COL15A1: variants seen among roughly 807,000 people sequenced by gnomAD.
COL15A1 encodes the protein collagen type XV alpha 1 chain.
A neutral mutation model predicts 165.9 loss-of-function variants in COL15A1; 111 were observed. That is an observed-to-expected ratio of 0.67 (90% CI 0.57 to 0.78). The LOEUF (loss-of-function observed/expected upper bound fraction) is 0.78, where lower values mean the gene tolerates loss of function less well. Among genes scored for constraint, COL15A1 ranks in the 30% least tolerant of loss-of-function variants. The pLI, the probability that COL15A1 is intolerant of heterozygous loss-of-function variation, is 0.00. For missense variants in COL15A1, 1,745 were observed against 1,789.7 expected (o/e 0.98, Z 0.45); for synonymous variants, 659 against 674.8 (o/e 0.98, Z 0.36).
chr9:99,032,337 A>C (rs1201631824), intron 16 of COL15A1, among the ~76,000 whole-genome samples: 1 of 151,802 alleles, frequency 6.6e-6, no homozygotes, highest in East Asian at 1.9e-4. Flanking sequence ...TTACAGATGC[A>C]CACCACCACA....
chr9:98,964,926 C>G (rs1052149826), intron 2 of COL15A1, among the ~76,000 whole-genome samples: 7 of 152,170 alleles, frequency 4.6e-5, no homozygotes, highest in Non-Finnish European at 7.3e-5. Flanking sequence ...GCTATGAGCT[C>G]GTTCTGACTG....
chr9:99,053,063 A>T (rs1186434208), intron 31 of COL15A1, among the ~76,000 whole-genome samples: 1 of 152,176 alleles, frequency 6.6e-6, no homozygotes, highest in Non-Finnish European at 1.5e-5. Context: ...TTGAGTAGTA[A>T]ATGTCAGCAT....
chr9:98,951,798 T>A (rs1837692454), intron 2 of COL15A1, among the ~76,000 whole-genome samples: 1 of 152,194 alleles, frequency 6.6e-6, no homozygotes, highest in African/African-American at 2.4e-5. Context: ...CTTCAAGCAA[T>A]TCACCCTTCT....
intron 5 of COL15A1, 113 bp downstream of exon 5, chr9:98,989,371 C>A: frequency 1.2e-6 from 1 of 840,404 alleles, no homozygotes; most frequent in Non-Finnish European, 1.9e-6. Context: ...GACCTGTGAG[C>A]TTAATCGTTG....
intron 2 of COL15A1, among the ~76,000 whole-genome samples, chr9:98,950,717 C>G (rs1488929908): frequency 6.6e-6 from 1 of 151,816 alleles, no homozygotes; most frequent in Non-Finnish European, 1.5e-5. Flanking sequence ...CAGGTTCAAG[C>G]AATTCTCCTG....
At chr9:99,055,642 A>T (rs991967733) in intron 34 of COL15A1, among the ~76,000 whole-genome samples, 2 of 152,146 alleles carry the variant, frequency 1.3e-5, no homozygotes, top group African/African-American at 4.8e-5. Flanking sequence ...TGGAAAATTC[A>T]CTCCACACAA....
intron 2 of COL15A1, among the ~76,000 whole-genome samples, chr9:98,951,324 T>C (rs1485675210): frequency 6.6e-6 from 1 of 152,236 alleles, no homozygotes; most frequent in Non-Finnish European, 1.5e-5. Context: ...GGTTGGACAG[T>C]TCTTACTATG....
chr9:99,022,203 G>A (rs1373750225), intron 13 of COL15A1, 53 bp downstream of exon 13: 30 of 1,610,742 alleles, frequency 1.9e-5, no homozygotes, highest in African/African-American at 1.2e-4. Flanking sequence ...CCAGGGATGC[G>A]GCCAAAACAG....
chr9:99,059,989 T>C (rs1825783612), intron 36 of COL15A1, 36 bp downstream of exon 36: 1 of 1,606,968 alleles, frequency 6.2e-7, no homozygotes, highest in South Asian at 1.1e-5. Context: ...CATCATTCCA[T>C]TTGGGATAGA....
At chr9:99,068,717 A>T in intron 41 of COL15A1, 47 bp downstream of exon 41, 1 of 1,132,346 alleles carries the variant, frequency 8.8e-7, no homozygotes, top group Non-Finnish European at 1.3e-6. Flanking sequence ...AGATAGTTTT[A>T]GGGGGCATCC....
At chr9:98,980,560 G>A (rs1408533953) in intron 2 of COL15A1, among the ~76,000 whole-genome samples, 1 of 152,190 alleles carries the variant, frequency 6.6e-6, no homozygotes, top group Admixed American at 6.5e-5. Flanking sequence ...AGTAGGGAGT[G>A]CAGCTGGGTC....
At chr9:98,989,934 T>G (rs1838387568) in intron 5 of COL15A1, among the ~76,000 whole-genome samples, 7 of 152,244 alleles carry the variant, frequency 4.6e-5, no homozygotes, top group Admixed American at 4.6e-4. Flanking sequence ...CCCAGGAGCC[T>G]GTTTTTAATG....
chr9:99,067,080 A>G lies in COL15A1; in HGVS notation c.3837+13A>G, dbSNP rs1354403935. 2 of 1,607,738 alleles carry G rather than the reference A, an allele frequency of 1.2e-6. No homozygotes were observed. The highest frequency in any genetic ancestry group is 1.7e-6 in the Non-Finnish European group (2 of 1,176,162). On this transcript the variant is annotated intron_variant, in intron 40 of 41. Coordinates refer to ENST00000375001, the MANE Select transcript of COL15A1 (RefSeq NM_001855.5). ...AGTGAACCTCAAGGTAAAAATAAAT[A>G]TGGTTCCCATTGCCTTCTGCATGCA...
intron 6 of COL15A1, among the ~76,000 whole-genome samples, chr9:99,000,150 C>A (rs565537355): frequency 6.6e-6 from 1 of 152,302 alleles, no homozygotes; most frequent in East Asian, 1.9e-4. Flanking sequence ...GGATTCCGGG[C>A]TGCTTTTTAA....
At chr9:99,022,616 G>T (rs1158688329) in intron 13 of COL15A1, among the ~76,000 whole-genome samples, 1 of 152,122 alleles carries the variant, frequency 6.6e-6, no homozygotes, top group Non-Finnish European at 1.5e-5. Context: ...CCGCCTCCAT[G>T]TCACCACTTC....
Position 99,035,049 on chromosome 9 carries a change from G to C in COL15A1, c.2115G>C (p.Pro705=). Reference sequence around the variant, plus strand: ...GCAACAGAGGCTTACCTGGACCCCCGGGGAAAAAGGGACAAGCTGGCCCTC... The same window carrying C: ...GCAACAGAGGCTTACCTGGACCCCCCGGGAAAAAGGGACAAGCTGGCCCTC... ...DPGNRGLPGP[P]GKKGQAGPPG... is the part of the protein sequence containing the mutation. Residue 705 remains proline (P), a synonymous_variant, in exon 18 of 42, where the codon CCG becomes CCC. Transcript: ENST00000375001. 1 of 1,612,018 alleles carries C rather than the reference G, an allele frequency of 6.2e-7. No homozygotes were observed. Among genetic ancestry groups the C allele is most frequent in the South Asian group, 1.1e-5 (1 of 91,048 alleles).
intron 21 of COL15A1, among the ~76,000 whole-genome samples, chr9:99,038,144 T>C (rs963342040): frequency 2.0e-5 from 3 of 147,288 alleles, no homozygotes; most frequent in Admixed American, 1.4e-4. Flanking sequence ...AAATCAAATA[T>C]GTGTAAGGGT....
intron 2 of COL15A1, among the ~76,000 whole-genome samples, chr9:98,964,586 C>T (rs930247150): frequency 3.3e-5 from 5 of 152,196 alleles, no homozygotes; most frequent in Non-Finnish European, 5.9e-5. Flanking sequence ...GCAGCATCAA[C>T]GTCATTGCAT....
chr9:98,990,677 G>A (rs527732922), intron 5 of COL15A1, among the ~76,000 whole-genome samples: 5 of 152,316 alleles, frequency 3.3e-5, no homozygotes, highest in African/African-American at 1.2e-4. Flanking sequence ...TGATCACAGG[G>A]GACAGAAGTA....
Sources: gnomAD v4.1 joint callset for allele counts (sites outside exome capture counted in the v4.1 genomes callset) on GRCh38, gnomAD v4.1.1 for gene constraint, MANE v1.5 for transcripts, NCBI Gene and HGNC (gene_info 2026-07-23, HGNC 2026-07-21) for gene names.